The following CUL1 variants were observed in gnomAD, a reference collection of about 807,000 sequenced individuals.
CUL1 encodes cullin 1.
A neutral mutation model predicts 118.0 loss-of-function variants in CUL1; 24 were observed. The observed-to-expected ratio is 0.20, with a 90% CI of 0.15 to 0.29. The LOEUF is 0.29. Among genes scored for constraint, CUL1 ranks in the 10% least tolerant of loss-of-function variants. The probability of loss-of-function intolerance (pLI) is 1.00; values close to 1 mark genes in which losing one functional copy is unlikely to be tolerated. For synonymous variants in CUL1, 332 were observed against 340.4 expected, an observed-to-expected ratio of 0.98 and a Z score of 0.27; for missense variants, 361 against 933.8, an observed-to-expected ratio of 0.39 and a Z score of 7.99.
chr7:148,766,856 A>G lies in CUL1; in HGVS notation c.952+133A>G, dbSNP rs1026497761. 6 of 773,568 alleles carry G rather than the reference A, an allele frequency of 7.8e-6. No individual in the cohort carries two copies. The Admixed American group carries it at 1.5e-4, about 19-fold the overall frequency. 47.9% of individuals were successfully genotyped at this position (773,568 alleles called of 1,614,324 possible). ...TTTAAAAAGATGCATGTGTTTGTAC[A>G]TCGTTATGTGCCAATTTCAGACTTC... On this transcript the variant is annotated intron_variant, in intron 8 of 21. Coordinates refer to ENST00000325222, the MANE Select transcript of CUL1 (RefSeq NM_003592.3).
rs1215714126 is a variant in CUL1 at position 148,787,913 on chromosome 7, A to G, written c.1480-644A>G. On this transcript the variant is annotated intron_variant, in intron 13 of 21. Transcript: ENST00000325222. This position sits in a 1 kb window ranked among gnomAD's most constrained non-coding sequence, Gnocchi z 5.5. ...CCCAAATTATGTAGGTATCTTTGTC[A>G]GCGTGGGCTGCCATGACGGAATACC... Among the ~76,000 whole-genome samples, 2 of 152,236 alleles carry G rather than the reference A, an allele frequency of 1.3e-5. No homozygotes were observed. The highest frequency in any genetic ancestry group is 6.5e-5 in the Admixed American group (1 of 15,292).
rs776420681 is a variant in CUL1 at position 148,800,186 on chromosome 7, C to T, written c.2251-316C>T. ...CTCTTCTTGTGAGACTGAGTCCTGC[C>T]GCAGAGGCAGGCAGATTTTGGTGGT... On this transcript the variant is annotated intron_variant, in intron 21 of 21. Transcript: ENST00000325222. This position sits in a 1 kb window ranked among gnomAD's most constrained non-coding sequence, Gnocchi z 4.6. 3.3e-5 allele frequency among the ~76,000 whole-genome samples: 5 copies of T among 152,172 alleles called. No homozygotes were observed. Among genetic ancestry groups the T allele is most frequent in the Non-Finnish European group, 5.9e-5 (4 of 68,034 alleles).
rs900072994 is a variant in CUL1, at chr7:148,800,267, C to T, written c.2251-235C>T. ...AAGCACCTGACTCCAGTTCCTAGGG[C>T]GGGTGCAGGAGGGACTCGGAGTCAC... On this transcript the variant is annotated intron_variant, in intron 21 of 21. Transcript: ENST00000325222. The surrounding 1 kb of genome is among the most constrained non-coding windows in gnomAD (Gnocchi z 4.6). 1.3e-5 allele frequency among the ~76,000 whole-genome samples: 2 copies of T among 152,108 alleles called. No individual in the cohort carries two copies. Among genetic ancestry groups the T allele is most frequent in the Non-Finnish European group, 2.9e-5 (2 of 68,016 alleles).
At chr7:148,728,712 A>G (rs1798662650) in intron 1 of CUL1, among the ~76,000 whole-genome samples, 1 of 152,250 alleles carries the variant, frequency 6.6e-6, no homozygotes, top group Non-Finnish European at 1.5e-5. Context: ...GTAGATTCAT[A>G]AAATATTAAG....
chr7:148,758,252 C>T (rs1799721583), intron 4 of CUL1, among the ~76,000 whole-genome samples: 2 of 152,190 alleles, frequency 1.3e-5, no homozygotes, highest in South Asian at 4.1e-4. Context: ...AGACAATGCC[C>T]TTTAAAACTA....
rs747059516 is a variant in CUL1 at position 148,759,290 on chromosome 7, T to C, written c.484-14T>C. On this transcript the variant is annotated splice_polypyrimidine_tract_variant and intron_variant, in intron 4 of 21. Transcript: ENST00000325222. ...TGGTAAAAGTATAGACATTTTGTAC[T>C]TTTTTTTCTCCAGCTTGCATTGGTG... The C allele has an allele frequency of 1.9e-6, 3 of 1,608,186 alleles. No individual in the cohort carries two copies. The highest frequency in any genetic ancestry group is 1.7e-5 in the Admixed American group (1 of 59,880).
At chr7:148,700,673 A>G (rs1229101789) in intron 1 of CUL1, among the ~76,000 whole-genome samples, 1 of 152,206 alleles carries the variant, frequency 6.6e-6, no homozygotes, top group Non-Finnish European at 1.5e-5. Flanking sequence ...ATTAATGCCC[A>G]TTTTTGGAGG....
At chr7:148,740,218 A>G (rs1799099079) in intron 2 of CUL1, among the ~76,000 whole-genome samples, 1 of 151,874 alleles carries the variant, frequency 6.6e-6, no homozygotes, top group African/African-American at 2.4e-5. Flanking sequence ...ACGCCTAGCT[A>G]ATTTTTTTGT....
intron 2 of CUL1, among the ~76,000 whole-genome samples, chr7:148,739,404 G>T (rs1249188883): frequency 4.6e-5 from 7 of 152,196 alleles, no homozygotes; most frequent in South Asian, 2.1e-4. Flanking sequence ...GACTCAGCCT[G>T]GATTCAAAGC....
intron 2 of CUL1, among the ~76,000 whole-genome samples, chr7:148,750,634 C>T (rs1241165474): frequency 6.6e-6 from 1 of 152,004 alleles, no homozygotes; most frequent in Non-Finnish European, 1.5e-5. Context: ...ATGAACTCAT[C>T]CTTTTTTATG....
intron 2 of CUL1, among the ~76,000 whole-genome samples, chr7:148,737,958 A>G (rs1427829454): frequency 6.6e-6 from 1 of 152,166 alleles, no homozygotes; most frequent in African/African-American, 2.4e-5. Context: ...TGATTTTAAT[A>G]GAAGTTACTT....
At chr7:148,749,263 G>A (rs1288135058) in intron 2 of CUL1, among the ~76,000 whole-genome samples, 2 of 151,206 alleles carry the variant, frequency 1.3e-5, no homozygotes, top group Admixed American at 6.6e-5. Flanking sequence ...CTAAAAATAC[G>A]AAAATTAGCT....
chr7:148,781,412 AG>A (rs1349532104), intron 9 of CUL1, among the ~76,000 whole-genome samples: 1 of 152,132 alleles, frequency 6.6e-6, no homozygotes, highest in African/African-American at 2.4e-5. Context: ...TTCCTTTAGT[AG>A]GTTCCATGCA....
intron 17 of CUL1, among the ~76,000 whole-genome samples, chr7:148,793,293 T>G (rs1801079283): frequency 6.6e-6 from 1 of 152,222 alleles, no homozygotes; most frequent in Non-Finnish European, 1.5e-5. Context: ...GCCATATTTT[T>G]TATTGAGATA....
chr7:148,702,840 AC>A (rs1412277270), intron 1 of CUL1, among the ~76,000 whole-genome samples: 1 of 152,206 alleles, frequency 6.6e-6, no homozygotes, highest in East Asian at 1.9e-4. Flanking sequence ...CTCCCACCAA[AC>A]TGACCTCCTT....
chr7:148,774,296 T>C (rs1343058463), intron 9 of CUL1, among the ~76,000 whole-genome samples: 1 of 152,146 alleles, frequency 6.6e-6, no homozygotes, highest in Non-Finnish European at 1.5e-5. Context: ...GAGGATACTT[T>C]CTCCAGTGGC....
chr7:148,795,854 A>G (rs916783540), intron 17 of CUL1, among the ~76,000 whole-genome samples: 1 of 151,770 alleles, frequency 6.6e-6, no homozygotes, highest in Non-Finnish European at 1.5e-5. Flanking sequence ...ATTAGCTCTA[A>G]TTTATTAGCT....
chr7:148,762,662 A>G (rs956798355), intron 7 of CUL1, among the ~76,000 whole-genome samples: 4 of 152,256 alleles, frequency 2.6e-5, no homozygotes, highest in South Asian at 2.1e-4. Flanking sequence ...AAAACTATAT[A>G]TCCCAAAGAC....
chr7:148,705,369 A>T (rs1008360570), intron 1 of CUL1, among the ~76,000 whole-genome samples: 3 of 152,252 alleles, frequency 2.0e-5, no homozygotes, highest in Admixed American at 6.5e-5. Flanking sequence ...TAAAAATTAG[A>T]AAAAGTATTT....
Sources: gnomAD v4.1 joint callset for allele counts (sites outside exome capture counted in the v4.1 genomes callset) on GRCh38, gnomAD v4.1.1 for gene constraint, Gnocchi (gnomAD v3.1) non-coding constraint, MANE v1.5 for transcripts, NCBI Gene and HGNC (gene_info 2026-07-23, HGNC 2026-07-21) for gene names.